The following MAD1L1 variants were observed in gnomAD, a reference collection of about 807,000 sequenced individuals.
MAD1L1 encodes the protein mitotic spindle assembly checkpoint protein MAD1.
A neutral mutation model predicts 96.9 loss-of-function variants in MAD1L1; 95 were observed. The observed-to-expected ratio is 0.98, with a 90% CI of 0.83 to 1.16. The LOEUF is 1.16. Among genes scored for constraint, MAD1L1 ranks in the 50% most tolerant of loss-of-function variants. The pLI is 0.00. For synonymous variants in MAD1L1, 473 were observed against 396.6 expected, an observed-to-expected ratio of 1.19 and a Z score of -2.29; for missense variants, 1,007 against 954.4, an observed-to-expected ratio of 1.06 and a Z score of -0.73.
intron 18 of MAD1L1, among the ~76,000 whole-genome samples, chr7:1,856,796 C>T (rs1343034949): frequency 2.0e-5 from 3 of 152,158 alleles, no homozygotes; most frequent in African/African-American, 4.8e-5. Flanking sequence ...AACCCTGGAA[C>T]GTGGTCTCGG....
chr7:2,120,774 G>A (rs946412400), intron 11 of MAD1L1, among the ~76,000 whole-genome samples: 3 of 152,226 alleles, frequency 2.0e-5, no homozygotes, highest in African/African-American at 7.2e-5. Flanking sequence ...GGAGGCGGGA[G>A]GCAGCCTGCG....
intron 17 of MAD1L1, among the ~76,000 whole-genome samples, chr7:1,901,610 A>T (rs535317653): frequency 6.6e-6 from 1 of 152,286 alleles, no homozygotes; most frequent in East Asian, 1.9e-4. Flanking sequence ...CTGTGTGCTC[A>T]AGGCCTGCTG....
chr7:2,188,732 A>C (rs1164932147), intron 10 of MAD1L1, among the ~76,000 whole-genome samples: 2 of 152,220 alleles, frequency 1.3e-5, no homozygotes, highest in Non-Finnish European at 2.9e-5. Context: ...TAAAACTCTT[A>C]GAAAAAAACA....
intron 18 of MAD1L1, among the ~76,000 whole-genome samples, chr7:1,827,023 G>C (rs895149716): frequency 2.4e-4 from 37 of 152,200 alleles, no homozygotes; most frequent in Non-Finnish European, 4.4e-4. Context: ...CTGCTTTACA[G>C]CCACACGCAG....
intron 16 of MAD1L1, among the ~76,000 whole-genome samples, chr7:1,948,429 C>A (rs528927040): frequency 4.6e-5 from 7 of 152,178 alleles, no homozygotes; most frequent in Non-Finnish European, 1.0e-4. Context: ...CTTTCCCCAG[C>A]AGGACACGCC....
intron 17 of MAD1L1, among the ~76,000 whole-genome samples, chr7:1,906,938 C>A (rs937934836): frequency 6.6e-6 from 1 of 152,234 alleles, no homozygotes; most frequent in Non-Finnish European, 1.5e-5. Flanking sequence ...CCGTGTTCAT[C>A]CCTGAACATA....
In MAD1L1 at chr7:2,067,925, G is replaced by C. The variant is rs140736308; in HGVS notation, c.1218+1269C>G. On this transcript the variant is annotated intron_variant, in intron 12 of 18. Coordinates refer to ENST00000265854, the MANE Select transcript of MAD1L1 (RefSeq NM_001013836.2). ...TAGAAGAGCGAATCCTCCAAGGGCT[G>C]TGCCCACACATCCACGCCACGTGCA... is the stretch of plus-strand genomic sequence containing the variant. Among the ~76,000 whole-genome samples, 8 of 152,340 alleles carry C rather than the reference G, an allele frequency of 5.3e-5. No individual in the cohort carries two copies. The East Asian group carries it at 1.5e-3, about 29-fold the overall frequency.
chr7:1,950,824 G>A (rs1015443861), intron 16 of MAD1L1, among the ~76,000 whole-genome samples: 10 of 152,324 alleles, frequency 6.6e-5, no homozygotes, highest in Middle Eastern at 6.8e-3. Flanking sequence ...TGAGCACCGC[G>A]GTGGGTCCTG....
chr7:2,056,747 C>G (rs564710932), intron 12 of MAD1L1, among the ~76,000 whole-genome samples: 249 of 152,294 alleles, frequency 1.6e-3, no homozygotes, highest in African/African-American at 5.6e-3. Context: ...CAAGAGGCAG[C>G]CCAGGGGGAC....
chr7:2,117,008 G>T (rs534558655), intron 11 of MAD1L1, among the ~76,000 whole-genome samples: 23 of 152,324 alleles, frequency 1.5e-4, no homozygotes, highest in African/African-American at 5.3e-4. Flanking sequence ...ACCCGACCTT[G>T]GGGAGCTCCC....
intron 18 of MAD1L1, among the ~76,000 whole-genome samples, chr7:1,878,124 C>T (rs944776233): frequency 2.0e-5 from 3 of 151,942 alleles, no homozygotes; most frequent in African/African-American, 7.3e-5. Context: ...ATGACCAAAA[C>T]TGACTCAAAA....
chr7:2,034,380 C>T (rs1006685942), intron 12 of MAD1L1, among the ~76,000 whole-genome samples: 2 of 152,058 alleles, frequency 1.3e-5, no homozygotes, highest in Non-Finnish European at 2.9e-5. Context: ...CCACGCCCAG[C>T]TAATTTTTTG....
intron 10 of MAD1L1, among the ~76,000 whole-genome samples, chr7:2,190,873 C>G (rs1366342003): frequency 6.6e-6 from 1 of 152,178 alleles, no homozygotes; most frequent in East Asian, 1.9e-4. Context: ...TTCTCACACA[C>G]GGGTGGCCAG....
chr7:1,969,866 AG>A (rs1487557110), intron 15 of MAD1L1, among the ~76,000 whole-genome samples: 2 of 152,258 alleles, frequency 1.3e-5, no homozygotes, highest in East Asian at 3.8e-4. Context: ...AAGAAATGGA[AG>A]AAAACCTAAG....
chr7:2,149,906 G>A (rs747653035), intron 10 of MAD1L1, among the ~76,000 whole-genome samples: 1 of 152,200 alleles, frequency 6.6e-6, no homozygotes, highest in Admixed American at 6.5e-5. Context: ...GCAAAGTTAC[G>A]CCAGTGGTGT....
At chr7:2,006,529 C>T (rs1782036075) in intron 13 of MAD1L1, among the ~76,000 whole-genome samples, 1 of 152,044 alleles carries the variant, frequency 6.6e-6, no homozygotes, top group Non-Finnish European at 1.5e-5. Context: ...AAGAAAACAC[C>T]GAAACCCGCA....
At chr7:1,911,330 C>T (rs1199279317) in intron 17 of MAD1L1, among the ~76,000 whole-genome samples, 1 of 152,150 alleles carries the variant, frequency 6.6e-6, no homozygotes, top group Non-Finnish European at 1.5e-5. Context: ...CCTCAGGCCC[C>T]AGGGGTCTTT....
intron 18 of MAD1L1, among the ~76,000 whole-genome samples, chr7:1,828,077 C>T (rs971623382): frequency 1.3e-5 from 2 of 151,962 alleles, no homozygotes; most frequent in African/African-American, 4.8e-5. Context: ...CAGTTTGTCT[C>T]TCTGAGCTGA....
intron 7 of MAD1L1, among the ~76,000 whole-genome samples, chr7:2,217,678 C>A (rs532333720): frequency 2.2e-4 from 34 of 152,254 alleles, no homozygotes; most frequent in Non-Finnish European, 3.8e-4. Flanking sequence ...CCTGTAGCAT[C>A]TTCTCACGCT....
Sources: allele counts gnomAD v4.1 joint callset (sites outside exome capture counted in the v4.1 genomes callset), GRCh38; gene constraint gnomAD v4.1.1; transcripts MANE v1.5; gene names NCBI Gene and HGNC (gene_info 2026-07-23, HGNC 2026-07-21).